The following DIP2C variants were observed in gnomAD, a reference collection of about 807,000 sequenced individuals.
The protein encoded by DIP2C is DIP2 acetate--CoA ligase C (putative), also known as disco-interacting protein 2 homolog C.
Under a neutral mutation model 192.4 loss-of-function variants are expected in DIP2C, and 33 were observed. That is an observed-to-expected ratio of 0.17 (90% confidence interval 0.13 to 0.23). The LOEUF (loss-of-function observed/expected upper bound fraction) is 0.23. Among genes scored for constraint, DIP2C ranks in the 10% least tolerant of loss-of-function variants. The probability of loss-of-function intolerance (pLI) is 1.00; values close to 1 mark genes in which losing one functional copy is unlikely to be tolerated. For missense variants in DIP2C, 1,537 were observed against 2,110.1 expected (o/e 0.73, Z 5.32); for synonymous variants, 979 against 864.1 (o/e 1.13, Z -2.33).
At chr10:458,528 T>A (rs1273507246) in intron 3 of DIP2C, among the ~76,000 whole-genome samples, 2 of 149,230 alleles carry the variant, frequency 1.3e-5, no homozygotes, top group Non-Finnish European at 3.0e-5. Context: ...GGATGCCCTC[T>A]ACATTCCTGC....
chr10:397,113 T>C (rs913125703), intron 10 of DIP2C, among the ~76,000 whole-genome samples: 1 of 152,224 alleles, frequency 6.6e-6, no homozygotes, highest in Non-Finnish European at 1.5e-5. Flanking sequence ...TTCTTAAATA[T>C]TGAGTCAACA....
chr10:357,295 GC>G (rs1472505551), intron 23 of DIP2C, among the ~76,000 whole-genome samples: 3 of 152,304 alleles, frequency 2.0e-5, no homozygotes, highest in Admixed American at 2.0e-4. Context: ...CTGTTAGGAG[GC>G]CTGGCCCCCT....
rs542685584 is a variant in DIP2C, at chr10:505,560, G to A, written c.86-19030C>T. ...CCAGGGAGATGGAGCTGCCTGCCCA[G>A]CGGTGCTTCCTGTGGGTGCCCCTGA... On this transcript the variant is annotated intron_variant, in intron 1 of 36. Coordinates refer to ENST00000280886, the MANE Select transcript of DIP2C (RefSeq NM_014974.3). 5.3e-5 allele frequency among the ~76,000 whole-genome samples: 8 copies of A among 151,966 alleles called. No homozygotes were observed. The South Asian group carries it at 1.7e-3, about 32-fold the overall frequency.
intron 1 of DIP2C, among the ~76,000 whole-genome samples, chr10:597,702 G>T (rs371973393): frequency 1.3e-5 from 2 of 152,162 alleles, no homozygotes; most frequent in Non-Finnish European, 2.9e-5. Flanking sequence ...TAACAATTAC[G>T]TAAGTCTTCA....
chr10:514,133 T>A (rs11252886), intron 1 of DIP2C, among the ~76,000 whole-genome samples: 12,941 of 152,268 alleles, frequency 0.085, 672 homozygotes, highest in East Asian at 0.18. Flanking sequence ...AGAGGCTTCC[T>A]GGTGCATTCG....
intron 4 of DIP2C, among the ~76,000 whole-genome samples, chr10:440,621 G>T (rs1406207821): frequency 6.6e-6 from 1 of 152,190 alleles, no homozygotes; most frequent in Non-Finnish European, 1.5e-5. Context: ...AATTGTTTGA[G>T]ATTTTACTGG....
chr10:550,299 A>G (rs759087465), intron 1 of DIP2C, among the ~76,000 whole-genome samples: 16 of 152,224 alleles, frequency 1.1e-4, no homozygotes, highest in Middle Eastern at 6.8e-3. Flanking sequence ...TATGAGCCAC[A>G]GTGCCCGGCC....
In DIP2C at chr10:380,275, G is replaced by A. The variant is rs561865224; in HGVS notation, c.1991+2372C>T. Among the ~76,000 whole-genome samples, 960 of 150,010 alleles carry A rather than the reference G, an allele frequency of 6.4e-3. 16 individuals carry two copies. The highest frequency in any genetic ancestry group is 5.4e-3 in the Non-Finnish European group (363 of 67,836). ...AGATGGTTAACGTGCAGAAGAGGCT[G>A]TCCCTGGATGATGGTTAACACGCAG... On this transcript the variant is annotated intron_variant, in intron 17 of 36. Coordinates refer to ENST00000280886, the MANE Select transcript of DIP2C (RefSeq NM_014974.3).
chr10:603,886 C>G (rs1372210957), intron 1 of DIP2C, among the ~76,000 whole-genome samples: 1 of 152,010 alleles, frequency 6.6e-6, no homozygotes, highest in Admixed American at 6.5e-5. Context: ...GGCTCACAGC[C>G]CCACACCCCT....
At chr10:373,656 C>T (rs533200226) in intron 17 of DIP2C, among the ~76,000 whole-genome samples, 3 of 152,232 alleles carry the variant, frequency 2.0e-5, no homozygotes, top group East Asian at 1.9e-4. Context: ...TAAAATCCCT[C>T]GTGGCTTGGA....
At chr10:395,716 G>T (rs1007564959) in intron 10 of DIP2C, among the ~76,000 whole-genome samples, 1 of 152,232 alleles carries the variant, frequency 6.6e-6, no homozygotes, top group Non-Finnish European at 1.5e-5. Context: ...TTTCTTCTGA[G>T]AGGGGTTTTG....
intron 1 of DIP2C, among the ~76,000 whole-genome samples, chr10:654,900 A>G (rs1188632925): frequency 4.6e-5 from 7 of 152,192 alleles, no homozygotes; most frequent in Admixed American, 4.6e-4. Flanking sequence ...ATACTGTTTC[A>G]TTCTACACTA....
intron 13 of DIP2C, among the ~76,000 whole-genome samples, chr10:388,647 A>C (rs1039714879): frequency 6.6e-6 from 1 of 152,238 alleles, no homozygotes; most frequent in South Asian, 2.1e-4. Flanking sequence ...GTGCGTCCCC[A>C]GGTGTGAAAA....
chr10:529,519 C>T (rs953048227), intron 1 of DIP2C, among the ~76,000 whole-genome samples: 2 of 152,126 alleles, frequency 1.3e-5, no homozygotes, highest in Non-Finnish European at 2.9e-5. Flanking sequence ...TGTTGCTTAG[C>T]CATAAAGTAG....
At chr10:558,400 CCAGACCTAAT>C (rs1849022411) in intron 1 of DIP2C, among the ~76,000 whole-genome samples, 1 of 152,204 alleles carries the variant, frequency 6.6e-6, no homozygotes, top group Non-Finnish European at 1.5e-5. Context: ...GATTCGACCC[CCAGACCTAAT>C]CATCTCTATT....
At position 364,490 on chromosome 10, in the gene DIP2C, G is replaced by C. The variant is rs199707446; in HGVS notation, c.2361C>G (p.Val787=). 2 of 1,614,158 alleles carry C rather than the reference G, an allele frequency of 1.2e-6. No homozygotes were observed. The highest frequency in any genetic ancestry group is 2.7e-5 in the African/African-American group (2 of 75,026). ...LLGFVGPGGL[V]FVVGKMDGLM... ...GGCCATCCATCTTGCCCACCACGAA[G>C]ACGAGGCCTCCGGGACCCACGAACC... The change falls in exon 20 of 37, where the codon GTC becomes GTG. Residue 787 remains valine (V), a synonymous_variant. Coordinates refer to ENST00000280886, the MANE Select transcript of DIP2C (RefSeq NM_014974.3).
At chr10:383,963 GAAAAA>G (rs5782550) in intron 16 of DIP2C, 59 bp downstream of exon 16, 295 of 1,178,362 alleles carry the variant, frequency 2.5e-4, no homozygotes, top group South Asian at 1.3e-3. Context: ...CCTGCCTCAC[GAAAAA>G]AAAAAAAAAA....
chr10:362,066 GA>G (rs61354121), intron 22 of DIP2C, among the ~76,000 whole-genome samples: 65 of 145,362 alleles, frequency 4.5e-4, no homozygotes, highest in South Asian at 6.6e-4. Context: ...TGGTGTGGGG[GA>G]AAAAAAAAAG....
At chr10:579,552 T>C (rs545167922) in intron 1 of DIP2C, among the ~76,000 whole-genome samples, 9 of 152,054 alleles carry the variant, frequency 5.9e-5, no homozygotes, top group Admixed American at 3.9e-4. Context: ...AAAGTGTACA[T>C]ACATAGGTAC....
Sources: gnomAD v4.1 joint callset for allele counts (sites outside exome capture counted in the v4.1 genomes callset) on GRCh38, gnomAD v4.1.1 for gene constraint, MANE v1.5 for transcripts, NCBI Gene and HGNC (gene_info 2026-07-23, HGNC 2026-07-21) for gene names.